The following OXTR variants were observed in gnomAD, a reference collection of about 807,000 sequenced individuals.
OXTR encodes oxytocin receptor.
OXTR carries 19 observed loss-of-function variants against 23.9 expected under a neutral mutation model. That is an observed-to-expected ratio of 0.80 (90% CI 0.56 to 1.17). The LOEUF (loss-of-function observed/expected upper bound fraction) is 1.17. Among genes scored for constraint, OXTR ranks in the 50% most tolerant of loss-of-function variants. The pLI is 0.00. For missense variants in OXTR, 500 were observed against 550.7 expected (o/e 0.91, Z 0.92); for synonymous variants, 278 against 250.5 (o/e 1.11, Z -1.04).
chr3:8,746,117 C>T (rs2124989126), downstream of OXTR: 1 of 487,228 alleles, frequency 2.1e-6, no homozygotes, highest in Non-Finnish European at 3.7e-6. Context: ...GATCATTTGC[C>T]AAGAGGCAGC....
chr3:8,745,061 C>A, the OXTR span: 44 of 165,610 alleles, frequency 2.7e-4, no homozygotes, highest in African/African-American at 9.8e-4. This position sits in a 1 kb window ranked among gnomAD's most constrained non-coding sequence, Gnocchi z 4.8. Context: ...GAGGTGGGGC[C>A]GGGTGGGAGG....
At position 8,752,251 on chromosome 3, in the gene OXTR, G is replaced by T. The variant is rs1575481914; in HGVS notation, c.*726C>A. The T allele has an allele frequency of 6.6e-6, 1 of 152,058 alleles. No homozygotes were observed. Among genetic ancestry groups the T allele is most frequent in the South Asian group, 2.1e-4 (1 of 4,820 alleles). 9.4% of individuals were successfully genotyped at this position (152,058 alleles called of 1,614,324 possible). A position where few individuals can be genotyped will look rare whatever the true frequency, so the allele number is the denominator to read the frequency against. ...CTAATAGCTGTGTGCGTGTGTGTGTGTGTGTGTGTGTGTGAGTTCCTTAGG... is the reference window on the plus strand; with the variant it reads ...CTAATAGCTGTGTGCGTGTGTGTGTTTGTGTGTGTGTGTGAGTTCCTTAGG... On this transcript the variant is annotated 3_prime_UTR_variant, in exon 4 of 4. Transcript: ENST00000316793.
rs1559679735 is a variant in OXTR, at chr3:8,767,452, C to T, written c.736G>A (p.Gly246Ser). 3 of 1,601,754 alleles carry T rather than the reference C, an allele frequency of 1.9e-6. No homozygotes were observed. Among genetic ancestry groups the T allele is most frequent in the Non-Finnish European group, 2.6e-6 (3 of 1,174,406 alleles). The change falls in exon 3 of 4, where the codon GGC becomes AGC. Residue 246 changes from glycine to serine, a missense_variant. Transcript: ENST00000316793. ...AAAAAAEAPE[G>S]AAAGDGGRVA... ...CGCCCCCCATCGCCAGCCGCCGCGC[C>T]CTCTGGCGCCTCGGCCGCCGCCGCT...
chr3:8,741,802 C>A, the OXTR span, among the ~76,000 whole-genome samples: 2 of 152,094 alleles, frequency 1.3e-5, no homozygotes, highest in Non-Finnish European at 2.9e-5. Flanking sequence ...TCAAGCAATC[C>A]CCCGCCCTGC....
At chr3:8,758,285 C>T (rs1425328940) in intron 3 of OXTR, among the ~76,000 whole-genome samples, 2 of 152,134 alleles carry the variant, frequency 1.3e-5, no homozygotes, top group African/African-American at 4.8e-5. Context: ...CCAAATTAGC[C>T]CAGAACAGCT....
intron 3 of OXTR, among the ~76,000 whole-genome samples, chr3:8,760,694 C>A (rs1708465643): frequency 6.6e-6 from 1 of 152,208 alleles, no homozygotes; most frequent in Non-Finnish European, 1.5e-5. Flanking sequence ...GCAGCCCACA[C>A]AATGGACTTG....
intron 3 of OXTR, among the ~76,000 whole-genome samples, chr3:8,756,499 A>G (rs1428203993): frequency 6.6e-6 from 1 of 152,216 alleles, no homozygotes; most frequent in Non-Finnish European, 1.5e-5. Context: ...TGTCAGTCCC[A>G]AAGCCAAGAC....
At chr3:8,754,260 G>GA (rs1477039130) in intron 3 of OXTR, among the ~76,000 whole-genome samples, 1 of 152,128 alleles carries the variant, frequency 6.6e-6, no homozygotes, top group Non-Finnish European at 1.5e-5. Flanking sequence ...CAAGAGGGAA[G>GA]AAAAAAATCC....
chr3:8,746,788 C>T (rs1274206109), downstream of OXTR: 1 of 145,768 alleles, frequency 6.9e-6, no homozygotes, highest in Non-Finnish European at 1.5e-5. Flanking sequence ...TCCTCACACT[C>T]TCTCTCTCTC....
In OXTR at chr3:8,751,591, T is replaced by C. The variant is rs200781133; in HGVS notation, c.*1386A>G. The C allele has an allele frequency of 6.6e-6, 1 of 152,184 alleles. No homozygotes were observed. The highest frequency in any genetic ancestry group is 1.5e-5 in the Non-Finnish European group (1 of 68,030). 9.4% of individuals were successfully genotyped at this position (152,184 alleles called of 1,614,324 possible). Reference sequence around the variant, plus strand: ...TGAGTAAAGGTCCAACCTCATTCTTTTGCACTTGCATATCATTGTCTCGGT... The same window carrying C: ...TGAGTAAAGGTCCAACCTCATTCTTCTGCACTTGCATATCATTGTCTCGGT... On this transcript the variant is annotated 3_prime_UTR_variant, in exon 4 of 4. Transcript: ENST00000316793.
At chr3:8,760,665 C>T (rs1277339432) in intron 3 of OXTR, among the ~76,000 whole-genome samples, 1 of 152,170 alleles carries the variant, frequency 6.6e-6, no homozygotes, top group Non-Finnish European at 1.5e-5. Flanking sequence ...AAAGGCATCC[C>T]CTGGAGTTGT....
In OXTR at chr3:8,767,433, C is replaced by G. The variant is rs151141371; in HGVS notation, c.755G>C (p.Gly252Ala). 806 of 1,605,490 alleles carry G rather than the reference C, an allele frequency of 5.0e-4. No individual in the cohort carries two copies. Among genetic ancestry groups the G allele is most frequent in the Non-Finnish European group, 4.6e-4 (542 of 1,176,350 alleles). The part of the protein sequence containing the change: ...EAPEGAAAGD[G>A]GRVALARVSS... ...GACACGCGCCAGGGCCACGCGCCCC[C>G]CATCGCCAGCCGCCGCGCCCTCTGG... Residue 252 changes from glycine to alanine, a missense_variant, in exon 3 of 4, where the codon GGG becomes GCG. Transcript: ENST00000316793.
Position 8,768,006 on chromosome 3 carries a change from A to T in OXTR, c.182T>A (p.Leu61Gln). The change falls in exon 3 of 4, where the codon CTG becomes CAG. Residue 61 changes from leucine (L) to glutamine (Q), a missense_variant. Coordinates refer to ENST00000316793, the MANE Select transcript of OXTR (RefSeq NM_000916.4). This position sits in a 1 kb window ranked among gnomAD's most constrained non-coding sequence, Gnocchi z 5.4. ...CTGGCGTGTGGTGCGCAGCGCCAGC[A>T]GCACACACGCGTTCCCGCTCAGCGC... ...LLALSGNACV[L>Q]LALRTTRQKH... 6.2e-7 allele frequency: 1 copy of T among 1,610,322 alleles called. No homozygotes were observed. The highest frequency in any genetic ancestry group is 8.5e-7 in the Non-Finnish European group (1 of 1,178,664).
At position 8,768,257 on chromosome 3, in the gene OXTR, G is replaced by A. The variant is rs897021066; in HGVS notation, c.-70C>T. On this transcript the variant is annotated 5_prime_UTR_variant, in exon 3 of 4. Coordinates refer to ENST00000316793, the MANE Select transcript of OXTR (RefSeq NM_000916.4). This position sits in a 1 kb window ranked among gnomAD's most constrained non-coding sequence, Gnocchi z 5.4. ...GCTTGGCGCGGCTGGGCCGGATCCG[G>A]CGTGTCGGAGGGTGTAGGGGCGCCC... is the stretch of plus-strand genomic sequence containing the variant. The A allele has an allele frequency of 2.4e-6, 3 of 1,256,980 alleles. No individual in the cohort carries two copies. Among genetic ancestry groups the A allele is most frequent in the Non-Finnish European group, 3.0e-6 (3 of 1,006,032 alleles). 77.9% of individuals were successfully genotyped at this position (1,256,980 alleles called of 1,614,324 possible).
intron 3 of OXTR, among the ~76,000 whole-genome samples, chr3:8,753,606 T>C (rs1708315490): frequency 6.6e-6 from 1 of 152,180 alleles, no homozygotes; most frequent in Admixed American, 6.5e-5. Context: ...GCAAGCACAG[T>C]ACCCAAAAGC....
At chr3:8,741,991 G>T in the OXTR span, among the ~76,000 whole-genome samples, 1 of 152,098 alleles carries the variant, frequency 6.6e-6, no homozygotes, top group Admixed American at 6.5e-5. Context: ...ACTGCACACA[G>T]TGTCCTGAGC....
At chr3:8,766,887 ACCT>A (rs1424430289) in intron 3 of OXTR, among the ~76,000 whole-genome samples, 2 of 151,682 alleles carry the variant, frequency 1.3e-5, no homozygotes, top group African/African-American at 4.8e-5. Context: ...TACCTCCACC[ACCT>A]CCTCCTAACC....
chr3:8,749,468 G>A (rs1452000033), downstream of OXTR, among the ~76,000 whole-genome samples: 1 of 152,108 alleles, frequency 6.6e-6, no homozygotes, highest in East Asian at 1.9e-4. Context: ...CAACTTCCCT[G>A]GGAACAGCAG....
intron 3 of OXTR, among the ~76,000 whole-genome samples, chr3:8,759,392 C>G (rs1378707843): frequency 6.6e-6 from 1 of 152,190 alleles, no homozygotes; most frequent in Non-Finnish European, 1.5e-5. Context: ...TTTTCTGACA[C>G]TCTTTGGCTG....
Sources: allele counts gnomAD v4.1 joint callset (sites outside exome capture counted in the v4.1 genomes callset), GRCh38; gene constraint gnomAD v4.1.1; non-coding constraint Gnocchi (gnomAD v3.1); transcripts MANE v1.5; gene names NCBI Gene and HGNC (gene_info 2026-07-23, HGNC 2026-07-21).